MIEF1: variants seen among roughly 807,000 people sequenced by gnomAD.
The protein encoded by MIEF1 is mitochondrial elongation factor 1.
In MIEF1, 14 loss-of-function variants were observed where a neutral mutation model predicts 35.1. The ratio of observed to expected loss-of-function variants is 0.40; its 90% CI spans 0.26 to 0.62. The LOEUF (loss-of-function observed/expected upper bound fraction) is 0.62. Among genes scored for constraint, MIEF1 ranks in the 20% least tolerant of loss-of-function variants. The pLI, the probability that MIEF1 is intolerant of heterozygous loss-of-function variation, is 0.43. For synonymous variants in MIEF1, 245 were observed against 254.3 expected (o/e 0.96, Z 0.35); for missense variants, 542 against 615.4 (o/e 0.88, Z 1.26).
In MIEF1 at chr22:39,515,038, T is replaced by C. The variant is rs1930585767; in HGVS notation, c.*715T>C. The C allele has an allele frequency of 5.3e-6, 3 of 561,552 alleles. No individual in the cohort carries two copies. Among genetic ancestry groups the C allele is most frequent in the Admixed American group, 3.5e-5 (1 of 28,972 alleles). 34.8% of individuals were successfully genotyped at this position (561,552 alleles called of 1,614,324 possible). A position where few individuals can be genotyped will look rare whatever the true frequency, so the allele number is the denominator to read the frequency against. ...AAAGTTATTTGCAGGTTGAATTTCT[T>C]GGTGGCTATTAGCAGAAGTGCAGAG... On this transcript the variant is annotated 3_prime_UTR_variant, in exon 6 of 6. Coordinates refer to ENST00000325301, the MANE Select transcript of MIEF1 (RefSeq NM_019008.6).
At chr22:39,509,655 T>C (rs1930233788) in intron 2 of MIEF1, 1 of 151,818 alleles carries the variant, frequency 6.6e-6, no homozygotes, top group Non-Finnish European at 1.5e-5. Flanking sequence ...GTCTGCAGTG[T>C]CCTTTGTGTT....
At position 39,514,907 on chromosome 22, in the gene MIEF1, T is replaced by C. The variant is rs751942193; in HGVS notation, c.*584T>C. On this transcript the variant is annotated 3_prime_UTR_variant, in exon 6 of 6. Coordinates refer to ENST00000325301, the MANE Select transcript of MIEF1 (RefSeq NM_019008.6). ...AGAGTTGGCCTTTGACCACGGTTCC[T>C]GGAGTAGAAGTCCATCCTCCCCCCA... is the stretch of plus-strand genomic sequence containing the variant. 2.4e-5 allele frequency: 7 copies of C among 287,556 alleles called. No homozygotes were observed. The highest frequency in any genetic ancestry group is 3.3e-5 in the Non-Finnish European group (5 of 152,998). 17.8% of individuals were successfully genotyped at this position (287,556 alleles called of 1,614,324 possible). A position where few individuals can be genotyped will look rare whatever the true frequency, so the allele number is the denominator to read the frequency against.
chr22:39,512,720 C>G (rs1401328679), intron 5 of MIEF1, among the ~76,000 whole-genome samples: 1 of 152,058 alleles, frequency 6.6e-6, no homozygotes. Context: ...GATCTCGACT[C>G]ACTGCAAGCT....
Position 39,514,397 on chromosome 22 carries a change from T to C in MIEF1, c.*74T>C. 5 of 1,492,154 alleles carry C rather than the reference T, an allele frequency of 3.4e-6. No homozygotes were observed. Among genetic ancestry groups the C allele is most frequent in the Non-Finnish European group, 4.6e-6 (5 of 1,087,930 alleles). 92.4% of individuals were successfully genotyped at this position (1,492,154 alleles called of 1,614,324 possible). On this transcript the variant is annotated 3_prime_UTR_variant, in exon 6 of 6. Transcript: ENST00000325301. Reference sequence around the variant, plus strand: ...CGTTAGATACACTTGGCTACCTAGTTGGTGCCTCACAGGGTTCCTGCTGCC... The same window carrying C: ...CGTTAGATACACTTGGCTACCTAGTCGGTGCCTCACAGGGTTCCTGCTGCC...
chr22:39,511,485 C>T, intron 3 of MIEF1, 47 bp downstream of exon 3: 1 of 1,488,624 alleles, frequency 6.7e-7, no homozygotes, highest in Non-Finnish European at 9.0e-7. Flanking sequence ...GTGGTATGGT[C>T]ATAAGATGTA....
At chr22:39,500,675 C>T (rs950418622), upstream of MIEF1, among the ~76,000 whole-genome samples, 28 of 151,684 alleles carry the variant, frequency 1.8e-4, no homozygotes, top group African/African-American at 6.8e-4. Flanking sequence ...ATGCCTCTCT[C>T]CATCTTGGTT....
intron 2 of MIEF1, among the ~76,000 whole-genome samples, chr22:39,509,123 T>C (rs926537321): frequency 3.3e-5 from 5 of 151,874 alleles, no homozygotes; most frequent in African/African-American, 1.2e-4. Flanking sequence ...CCTGGCTAAT[T>C]TTTTGTATTT....
At chr22:39,508,286 C>T (rs1264128546) in intron 2 of MIEF1, among the ~76,000 whole-genome samples, 1 of 152,168 alleles carries the variant, frequency 6.6e-6, no homozygotes, top group Admixed American at 6.5e-5. Flanking sequence ...CTCTAAAACC[C>T]ACGCTCTGTT....
In MIEF1 at chr22:39,514,346, T is replaced by C; in HGVS notation, c.*23T>C. The C allele has an allele frequency of 6.2e-7, 1 of 1,608,370 alleles. No homozygotes were observed. The highest frequency in any genetic ancestry group is 8.5e-7 in the Non-Finnish European group (1 of 1,176,714). ...TAGGGCAGGTGAAGGCCAAAGCGGG[T>C]GTTGGTGGTCAGGCCCTGGATTCTC... On this transcript the variant is annotated 3_prime_UTR_variant, in exon 6 of 6. Transcript: ENST00000325301.
rs1439724276 is a variant in MIEF1, at chr22:39,516,586, C to G, written c.*2263C>G. 6.6e-6 allele frequency: 1 copy of G among 152,174 alleles called. No individual in the cohort carries two copies. The highest frequency in any genetic ancestry group is 1.5e-5 in the Non-Finnish European group (1 of 68,040). The allele number at this position is 152,174 out of a possible 1,614,324, so 9.4% of individuals were successfully genotyped here. A position where few individuals can be genotyped will look rare whatever the true frequency, so the allele number is the denominator to read the frequency against. The stretch of plus-strand genomic sequence containing the variant: ...GGCGTGGTGGCAGGCGCCTATAATC[C>G]CAGCTACTCGGGAGGCTGAGGCAGG... On this transcript the variant is annotated 3_prime_UTR_variant, in exon 6 of 6. Transcript: ENST00000325301.
In MIEF1 at chr22:39,517,468, C is replaced by T. The variant is rs1930735482; in HGVS notation, c.*3145C>T. On this transcript the variant is annotated 3_prime_UTR_variant, in exon 6 of 6. Transcript: ENST00000325301. ...ATATTCCACATTTGCTGACTGTGCT[C>T]CCTGCACTCCACTCAAGTTGAGAGT... The T allele has an allele frequency of 2.1e-6, 1 of 466,538 alleles. No homozygotes were observed. The highest frequency in any genetic ancestry group is 4.5e-6 in the Non-Finnish European group (1 of 224,684). The allele number at this position is 466,538 out of a possible 1,614,324, so 28.9% of individuals were successfully genotyped here.
Position 39,517,152 on chromosome 22 carries a change from C to T in MIEF1, c.*2829C>T, listed in dbSNP as rs1223336489. 1 of 155,686 alleles carries T rather than the reference C, an allele frequency of 6.4e-6. No individual in the cohort carries two copies. The highest frequency in any genetic ancestry group is 1.4e-5 in the Non-Finnish European group (1 of 70,148). 9.6% of individuals were successfully genotyped at this position (155,686 alleles called of 1,614,324 possible). ...CTCTTACTTTTGCCTGAAGTAACAGCATCTTCTACTTCTCCATCTAGAGAT... is the reference window on the plus strand; with the variant it reads ...CTCTTACTTTTGCCTGAAGTAACAGTATCTTCTACTTCTCCATCTAGAGAT... On this transcript the variant is annotated 3_prime_UTR_variant, in exon 6 of 6. Transcript: ENST00000325301.
Position 39,515,362 on chromosome 22 carries a change from C to T in MIEF1, c.*1039C>T, listed in dbSNP as rs1033211877. 1 of 717,354 alleles carries T rather than the reference C, an allele frequency of 1.4e-6. No individual in the cohort carries two copies. Among genetic ancestry groups the T allele is most frequent in the South Asian group, 1.5e-5 (1 of 67,572 alleles). The allele number at this position is 717,354 out of a possible 1,614,324, so 44.4% of individuals were successfully genotyped here. On this transcript the variant is annotated 3_prime_UTR_variant, in exon 6 of 6. Coordinates refer to ENST00000325301, the MANE Select transcript of MIEF1 (RefSeq NM_019008.6). ...GCCATGTTTTCTACCCAGACAGGCC[C>T]TGCTTTTCTAGGATGTGGCCTTAGA...
In MIEF1 at chr22:39,513,663, G is replaced by A; in HGVS notation, c.732G>A (p.Gly244=). ...AGAATCCAGAGTACTTTCCTCGTGG[G>A]AGCAGTTACTGGGACCGCTGTGTAG... The part of the protein sequence containing the change: ...RRENPEYFPR[G]SSYWDRCVVG... The change falls in exon 6 of 6, where the codon GGG becomes GGA. Residue 244 remains glycine, a synonymous_variant. Transcript: ENST00000325301. 1.9e-6 allele frequency: 3 copies of A among 1,614,100 alleles called. No individual in the cohort carries two copies. The highest frequency in any genetic ancestry group is 1.3e-5 in the African/African-American group (1 of 74,998).
intron 1 of MIEF1, among the ~76,000 whole-genome samples, chr22:39,502,890 G>C (rs755643364): frequency 1.1e-4 from 16 of 152,250 alleles, no homozygotes; most frequent in Admixed American, 7.8e-4. Flanking sequence ...ATGGTGGCTT[G>C]CTCAAGCTTG....
intron 2 of MIEF1, chr22:39,509,652 G>C (rs1287738934): frequency 6.6e-6 from 1 of 151,864 alleles, no homozygotes; most frequent in African/African-American, 2.4e-5. Flanking sequence ...CGAGTCTGCA[G>C]TGTCCTTTGT....
chr22:39,513,544 AT>A lies in MIEF1; in HGVS notation c.615del (p.Ile205MetfsTer21), dbSNP rs763011873. On this transcript the variant is annotated frameshift_variant, in exon 6 of 6. Transcript: ENST00000325301. LOFTEE classifies it high-confidence loss of function. ...QVVTADHIQL[I>X]VPLVLEQNLW... ...GGTGACAGCTGACCACATCCAACTCATTGTGCCCCTTGTGCTGGAGCAGAAC... is the reference window on the plus strand; with the variant it reads ...GGTGACAGCTGACCACATCCAACTCATGTGCCCCTTGTGCTGGAGCAGAAC... 6.2e-7 allele frequency: 1 copy of A among 1,614,016 alleles called. No individual in the cohort carries two copies. The highest frequency in any genetic ancestry group is 8.5e-7 in the Non-Finnish European group (1 of 1,180,016).
chr22:39,511,655 C>T (rs1028693167), intron 3 of MIEF1, among the ~76,000 whole-genome samples, 194 bp from the exon 4 acceptor site: 5 of 152,172 alleles, frequency 3.3e-5, no homozygotes, highest in Admixed American at 2.0e-4. Context: ...TGGGTCATGA[C>T]GTGGATTATC....
Position 39,514,316 on chromosome 22 carries a change from A to G in MIEF1, c.1385A>G (p.Gln462Arg). The G allele has an allele frequency of 6.2e-7, 1 of 1,613,324 alleles. No individual in the cohort carries two copies. Among genetic ancestry groups the G allele is most frequent in the Non-Finnish European group, 8.5e-7 (1 of 1,179,600 alleles). The change falls in exon 6 of 6, where the codon CAG (glutamine) becomes CGG (arginine). Residue 462 changes from glutamine to arginine, a missense_variant. By Grantham distance (43) the Gln-to-Arg change is conservative. Coordinates refer to ENST00000325301, the MANE Select transcript of MIEF1 (RefSeq NM_019008.6). ...CSLSEPEVLL[Q>R]T ...TTGTCTGAGCCAGAGGTGCTGCTGC[A>G]GACGTAGGGCAGGTGAAGGCCAAAG...
Sources: allele counts gnomAD v4.1 joint callset (sites outside exome capture counted in the v4.1 genomes callset), GRCh38; gene constraint gnomAD v4.1.1; transcripts MANE v1.5; gene names NCBI Gene and HGNC (gene_info 2026-07-23, HGNC 2026-07-21).